Variants in LRP1B observed in about 807,000 individuals in gnomAD.
The protein encoded by LRP1B is LDL receptor related protein 1B.
Under a neutral mutation model 556.6 loss-of-function variants are expected in LRP1B, and 217 were observed. That is an observed-to-expected ratio of 0.39 (90% CI 0.35 to 0.44). The LOEUF (loss-of-function observed/expected upper bound fraction) is 0.44, where lower values mean the gene tolerates loss of function less well. Ranked by LOEUF, LRP1B falls within the 20% of genes least tolerant of loss-of-function variation. The pLI is 1.00. For missense variants in LRP1B, 5,053 were observed against 5,620.8 expected (o/e 0.90, Z 3.23); for synonymous variants, 2,047 against 1,865.8 (o/e 1.10, Z -2.50).
At chr2:141,058,832 T>A (rs771657437) in intron 9 of LRP1B, 51 bp downstream of exon 9, 4 of 1,452,504 alleles carry the variant, frequency 2.8e-6, no homozygotes, top group Non-Finnish European at 2.8e-6. Flanking sequence ...AAGGACTATA[T>A]CCCCATTCAA....
intron 1 of LRP1B, among the ~76,000 whole-genome samples, chr2:141,971,503 A>C (rs1229663588): frequency 6.6e-6 from 1 of 151,332 alleles, no homozygotes; most frequent in Non-Finnish European, 1.5e-5. Flanking sequence ...GCTTTTATTT[A>C]ATTTTGAATT....
At chr2:140,525,484 A>C (rs1326064986) in intron 49 of LRP1B, among the ~76,000 whole-genome samples, 1 of 151,958 alleles carries the variant, frequency 6.6e-6, no homozygotes, top group African/African-American at 2.4e-5. Context: ...GAGTAAGGCC[A>C]GTCGTAAGAA....
intron 1 of LRP1B, among the ~76,000 whole-genome samples, chr2:141,830,484 A>G (rs1697076946): frequency 6.6e-6 from 1 of 151,900 alleles, no homozygotes; most frequent in African/African-American, 2.4e-5. Flanking sequence ...ACACATTCCA[A>G]GATTCCTTAT....
chr2:141,055,083 G>A (rs776753698), intron 10 of LRP1B, 33 bp downstream of exon 10: 5 of 1,608,866 alleles, frequency 3.1e-6, no homozygotes, highest in Non-Finnish European at 4.2e-6. Flanking sequence ...TAAAGGGGTA[G>A]CTGCTGGCAA....
chr2:141,840,764 G>A (rs1194655634), intron 1 of LRP1B, among the ~76,000 whole-genome samples: 2 of 152,250 alleles, frequency 1.3e-5, no homozygotes, highest in East Asian at 3.9e-4. Flanking sequence ...GATGGCCAGT[G>A]ATTTACTGGA....
intron 43 of LRP1B, among the ~76,000 whole-genome samples, chr2:140,568,182 A>G (rs1464400522): frequency 7.1e-6 from 1 of 139,964 alleles, no homozygotes; most frequent in Admixed American, 7.6e-5. Flanking sequence ...AATAATCTTA[A>G]GATAATGCAC....
intron 6 of LRP1B, among the ~76,000 whole-genome samples, chr2:141,221,019 C>T (rs113022376): frequency 6.6e-6 from 1 of 152,078 alleles, no homozygotes; most frequent in Admixed American, 6.6e-5. Flanking sequence ...TGCAGAATAA[C>T]CAGTTAGCAT....
Position 141,398,313 on chromosome 2 carries a change from T to G in LRP1B, c.343+82083A>C, listed in dbSNP as rs1271248619. 2.6e-5 allele frequency among the ~76,000 whole-genome samples: 4 copies of G among 152,306 alleles called. No homozygotes were observed. The East Asian group carries it at 7.7e-4, about 29-fold the overall frequency. The stretch of plus-strand genomic sequence containing the variant: ...ATTTTCAAAAACTGGTTCATATTGA[T>G]GCTTACCATGAAAAAAAGACCAAAA... On this transcript the variant is annotated intron_variant, in intron 3 of 90. Coordinates refer to ENST00000389484, the MANE Select transcript of LRP1B (RefSeq NM_018557.3).
intron 84 of LRP1B, among the ~76,000 whole-genome samples, chr2:140,282,553 G>A (rs1284664047): frequency 2.0e-5 from 3 of 151,732 alleles, no homozygotes; most frequent in Admixed American, 6.6e-5. Context: ...TCCTTTCTGT[G>A]TATTTAAAAT....
intron 2 of LRP1B, among the ~76,000 whole-genome samples, chr2:141,802,357 T>C (rs1187924413): frequency 6.6e-6 from 1 of 152,106 alleles, no homozygotes; most frequent in Non-Finnish European, 1.5e-5. Context: ...ACCCAACCCC[T>C]TCTTCACCTA....
intron 7 of LRP1B, among the ~76,000 whole-genome samples, chr2:141,112,310 CCTT>C (rs1558868577): frequency 1.3e-5 from 2 of 152,140 alleles, no homozygotes; most frequent in African/African-American, 4.8e-5. Flanking sequence ...CAATGTTCTG[CCTT>C]CTTTGCTTCA....
chr2:140,686,852 A>C (rs1168070352), intron 41 of LRP1B, among the ~76,000 whole-genome samples: 1 of 152,130 alleles, frequency 6.6e-6, no homozygotes, highest in Non-Finnish European at 1.5e-5. Flanking sequence ...GAAATATAGA[A>C]GGTAACATTT....
At chr2:141,852,267 T>G (rs1697891682) in intron 1 of LRP1B, among the ~76,000 whole-genome samples, 1 of 151,942 alleles carries the variant, frequency 6.6e-6, no homozygotes, top group Admixed American at 6.6e-5. Flanking sequence ...ACAAAATACC[T>G]GTCTTTACAT....
chr2:140,358,267 T>G, intron 73 of LRP1B, 151 bp from the exon 74 acceptor site: 2 of 649,846 alleles, frequency 3.1e-6, no homozygotes, highest in South Asian at 6.0e-5. Flanking sequence ...TTTTAAACAT[T>G]CTGAAATTTT....
intron 2 of LRP1B, among the ~76,000 whole-genome samples, chr2:141,736,131 G>A (rs988313448): frequency 4.6e-5 from 7 of 152,058 alleles, no homozygotes; most frequent in Non-Finnish European, 7.4e-5. Flanking sequence ...GACTTAAACG[G>A]CAGACCCTTG....
chr2:141,896,243 C>A (rs1241433068), intron 1 of LRP1B, among the ~76,000 whole-genome samples: 1 of 152,100 alleles, frequency 6.6e-6, no homozygotes, highest in African/African-American at 2.4e-5. Flanking sequence ...GGTTCAGCTA[C>A]AATATTTCTT....
At chr2:142,105,140 T>C (rs1706701497) in intron 1 of LRP1B, among the ~76,000 whole-genome samples, 1 of 152,154 alleles carries the variant, frequency 6.6e-6, no homozygotes, top group Non-Finnish European at 1.5e-5. Flanking sequence ...TGAACAAACC[T>C]GAATGGAGGT....
intron 1 of LRP1B, among the ~76,000 whole-genome samples, chr2:141,918,387 C>T (rs1700095052): frequency 6.6e-6 from 1 of 151,892 alleles, no homozygotes; most frequent in Non-Finnish European, 1.5e-5. Flanking sequence ...ACTACTGGCA[C>T]CATTGAAAAA....
chr2:141,265,981 G>A (rs555335392), intron 3 of LRP1B, among the ~76,000 whole-genome samples: 1 of 152,252 alleles, frequency 6.6e-6, no homozygotes, highest in South Asian at 2.1e-4. Flanking sequence ...CTCACCAATA[G>A]AACATGAGTG....
Sources: gnomAD v4.1 joint callset for allele counts (sites outside exome capture counted in the v4.1 genomes callset) on GRCh38, gnomAD v4.1.1 for gene constraint, MANE v1.5 for transcripts, NCBI Gene and HGNC (gene_info 2026-07-23, HGNC 2026-07-21) for gene names.